DPYSL5: variants seen among roughly 807,000 people sequenced by gnomAD.
The protein encoded by DPYSL5 is dihydropyrimidinase like 5.
DPYSL5 carries 9 observed loss-of-function variants against 58.4 expected under a neutral mutation model. That is an observed-to-expected ratio of 0.15 (90% CI 0.09 to 0.27). The LOEUF (loss-of-function observed/expected upper bound fraction) is 0.27. Ranked by LOEUF, DPYSL5 falls within the 10% of genes least tolerant of loss-of-function variation. The pLI is 1.00. For missense variants in DPYSL5, 499 were observed against 770.6 expected (o/e 0.65, Z 4.17); for synonymous variants, 293 against 301.9 (o/e 0.97, Z 0.31).
At chr2:26,864,906 A>G (rs1666103702) in intron 1 of DPYSL5, among the ~76,000 whole-genome samples, 1 of 152,148 alleles carries the variant, frequency 6.6e-6, no homozygotes, top group Admixed American at 6.5e-5. Flanking sequence ...GGGGAGTCCA[A>G]GGCTGCTGGT....
intron 8 of DPYSL5, among the ~76,000 whole-genome samples, chr2:26,935,477 C>T (rs1303579461): frequency 6.6e-6 from 1 of 152,104 alleles, no homozygotes; most frequent in African/African-American, 2.4e-5. Context: ...CACTTGAGAT[C>T]AGGAGTTCAA....
intron 2 of DPYSL5, among the ~76,000 whole-genome samples, chr2:26,912,537 G>A (rs1200010536): frequency 5.9e-5 from 9 of 152,180 alleles, no homozygotes; most frequent in Middle Eastern, 3.2e-3. Flanking sequence ...TGCTAAGGAT[G>A]TGGGTGACAA....
chr2:26,901,931 C>T (rs919417773), intron 2 of DPYSL5, among the ~76,000 whole-genome samples: 5 of 152,182 alleles, frequency 3.3e-5, no homozygotes, highest in East Asian at 1.9e-4. Context: ...CTTTAGCCCA[C>T]GCCTCGCTGG....
chr2:26,931,518 C>A, intron 5 of DPYSL5, 122 bp from the exon 6 acceptor site: 1 of 1,124,742 alleles, frequency 8.9e-7, no homozygotes, highest in Non-Finnish European at 1.3e-6. Context: ...GTGCCTCTGC[C>A]CGGGCTTTGC....
intron 1 of DPYSL5, among the ~76,000 whole-genome samples, chr2:26,848,886 G>T (rs1458931634): frequency 6.6e-6 from 1 of 152,098 alleles, no homozygotes; most frequent in Non-Finnish European, 1.5e-5. Flanking sequence ...AGCCCGGAGC[G>T]GGCGCCGAGC....
At chr2:26,863,274 C>G (rs1666062368) in intron 1 of DPYSL5, among the ~76,000 whole-genome samples, 1 of 152,236 alleles carries the variant, frequency 6.6e-6, no homozygotes, top group Non-Finnish European at 1.5e-5. Context: ...ACATGGGCCC[C>G]AGGCCATTGG....
chr2:26,925,280 A>G lies in DPYSL5; in HGVS notation c.420+235A>G, dbSNP rs564466534. Among the ~76,000 whole-genome samples, 4 of 152,318 alleles carry G rather than the reference A, an allele frequency of 2.6e-5. No homozygotes were observed. In the South Asian group the frequency reaches 8.3e-4, roughly 32 times the overall value. The stretch of plus-strand genomic sequence containing the variant: ...CACAGAGAGGCCAAGGCCAGAGCCC[A>G]GGCCTTGGGGATGCAGTTTCATTGC... On this transcript the variant is annotated intron_variant, in intron 3 of 12. Transcript: ENST00000288699. This position sits in a 1 kb window ranked among gnomAD's most constrained non-coding sequence, Gnocchi z 4.5.
rs1418997647 is a variant in DPYSL5 at position 26,944,445 on chromosome 2, T to G, written c.1441-211T>G. Among the ~76,000 whole-genome samples, 2 of 152,130 alleles carry G rather than the reference T, an allele frequency of 1.3e-5. No homozygotes were observed. Among genetic ancestry groups the G allele is most frequent in the African/African-American group, 4.8e-5 (2 of 41,412 alleles). ...TCACATACATGCACGCATGCACACA[T>G]GTACACATATGCACATGCTCTTTAG... On this transcript the variant is annotated intron_variant, in intron 11 of 12. Transcript: ENST00000288699. This position sits in a 1 kb window ranked among gnomAD's most constrained non-coding sequence, Gnocchi z 4.4.
At position 26,948,073 on chromosome 2, in the gene DPYSL5, C is replaced by CCA. The variant is rs67138052; in HGVS notation, c.*1114_*1115dup. 0.27 allele frequency: 38,928 copies of CCA among 143,398 alleles called. 5,325 individuals are homozygous for CCA. The highest frequency in any genetic ancestry group is 0.35 in the Admixed American group (5,051 of 14,356). The allele number at this position is 143,398 out of a possible 1,614,324, so 8.9% of individuals were successfully genotyped here. ...TGCCTTCCCCTGTCTTCACCTGCCA[C>CCA]CACACACACACACACACACACACAC... On this transcript the variant is annotated 3_prime_UTR_variant, in exon 13 of 13. Coordinates refer to ENST00000288699, the MANE Select transcript of DPYSL5 (RefSeq NM_020134.4).
chr2:26,909,505 G>A (rs1428853829), intron 2 of DPYSL5, among the ~76,000 whole-genome samples: 2 of 152,062 alleles, frequency 1.3e-5, no homozygotes, highest in Non-Finnish European at 2.9e-5. Context: ...GGTGGCTCAC[G>A]CCTGTAATCC....
chr2:26,887,247 G>A (rs911845924), intron 1 of DPYSL5, among the ~76,000 whole-genome samples: 1 of 152,260 alleles, frequency 6.6e-6, no homozygotes, highest in Non-Finnish European at 1.5e-5. Context: ...AAGAGGAAAT[G>A]CATGTCTGAA....
chr2:26,942,223 C>T lies in DPYSL5; in HGVS notation c.1232+131C>T. Reference sequence around the variant, plus strand: ...AAATATGGCCCTGGCCTACCGTTGGCCATCTTCTCCCTCCATCTTCACACA... The same window carrying T: ...AAATATGGCCCTGGCCTACCGTTGGTCATCTTCTCCCTCCATCTTCACACA... On this transcript the variant is annotated intron_variant, in intron 10 of 12. Transcript: ENST00000288699. This position sits in a 1 kb window ranked among gnomAD's most constrained non-coding sequence, Gnocchi z 5.9. 1.5e-6 allele frequency: 2 copies of T among 1,305,746 alleles called. No individual in the cohort carries two copies. Among genetic ancestry groups the T allele is most frequent in the East Asian group, 4.8e-5 (2 of 42,008 alleles). The allele number at this position is 1,305,746 out of a possible 1,614,324, so 80.9% of individuals were successfully genotyped here. A position where few individuals can be genotyped will look rare whatever the true frequency, so the allele number is the denominator to read the frequency against.
chr2:26,885,335 G>C (rs1156295018), intron 1 of DPYSL5, among the ~76,000 whole-genome samples: 1 of 152,190 alleles, frequency 6.6e-6, no homozygotes, highest in African/African-American at 2.4e-5. Flanking sequence ...AGGATGTTCT[G>C]GTGCTGGGCT....
At chr2:26,946,371 A>C (rs1237673345) in intron 12 of DPYSL5, among the ~76,000 whole-genome samples, 1 of 151,048 alleles carries the variant, frequency 6.6e-6, no homozygotes, top group Non-Finnish European at 1.5e-5. Flanking sequence ...TCTCCGGGGC[A>C]CTAGACCCTC....
chr2:26,860,456 C>G (rs1665982608), intron 1 of DPYSL5, among the ~76,000 whole-genome samples: 1 of 152,242 alleles, frequency 6.6e-6, no homozygotes, highest in East Asian at 1.9e-4. Context: ...TTGGTGAAAA[C>G]TGGCAGATTT....
chr2:26,863,632 T>C (rs972109981), intron 1 of DPYSL5, among the ~76,000 whole-genome samples: 40 of 152,308 alleles, frequency 2.6e-4, no homozygotes, highest in African/African-American at 9.1e-4. Flanking sequence ...CACAGAGTTG[T>C]GTAGTCATCA....
intron 6 of DPYSL5, among the ~76,000 whole-genome samples, chr2:26,932,040 GA>G (rs1665006507): frequency 2.4e-5 from 1 of 41,828 alleles, no homozygotes; most frequent in South Asian, 7.1e-4. Context: ...GAAAAGAAAA[GA>G]AAGAAAGGAA....
Position 26,942,403 on chromosome 2 carries a change from GT to G in DPYSL5, c.1233-138del. ...AGTGCCATGTTCTGAGGTTCTGGGT[GT>G]TAGAACTTCAGCAGAAGAATTTTGA... On this transcript the variant is annotated intron_variant, in intron 10 of 12. Transcript: ENST00000288699. The surrounding 1 kb of genome is among the most constrained non-coding windows in gnomAD (Gnocchi z 5.9). 1 of 1,007,836 alleles carries G rather than the reference GT, an allele frequency of 9.9e-7. No homozygotes were observed. The highest frequency in any genetic ancestry group is 1.5e-6 in the Non-Finnish European group (1 of 684,538). The allele number at this position is 1,007,836 out of a possible 1,614,324, so 62.4% of individuals were successfully genotyped here. A position where few individuals can be genotyped will look rare whatever the true frequency, so the allele number is the denominator to read the frequency against.
chr2:26,942,720 T>G lies in DPYSL5; in HGVS notation c.1410T>G (p.Thr470=). 1.2e-6 allele frequency: 2 copies of G among 1,614,070 alleles called. No individual in the cohort carries two copies. Among genetic ancestry groups the G allele is most frequent in the Non-Finnish European group, 1.7e-6 (2 of 1,180,014 alleles). ...GTCCCCTGAGGTCCTTCCCAGACAC[T>G]GTCTACAAGAAGCTGGTCCAGAGAG... ...KFCPLRSFPD[T]VYKKLVQREK... The change falls in exon 11 of 13, where the codon ACT becomes ACG. Residue 470 remains threonine, a synonymous_variant. Coordinates refer to ENST00000288699, the MANE Select transcript of DPYSL5 (RefSeq NM_020134.4). This position sits in a 1 kb window ranked among gnomAD's most constrained non-coding sequence, Gnocchi z 5.9.
Sources: gnomAD v4.1 joint callset for allele counts (sites outside exome capture counted in the v4.1 genomes callset) on GRCh38, gnomAD v4.1.1 for gene constraint, Gnocchi (gnomAD v3.1) non-coding constraint, MANE v1.5 for transcripts, NCBI Gene and HGNC (gene_info 2026-07-23, HGNC 2026-07-21) for gene names.